FOXN2: variants seen among roughly 807,000 people sequenced by gnomAD.
The protein encoded by FOXN2 is forkhead box protein N2.
In FOXN2, 19 loss-of-function variants were observed where a neutral mutation model predicts 41.2. The ratio of observed to expected loss-of-function variants is 0.46; its 90% CI spans 0.32 to 0.68. The LOEUF is 0.68. Ranked by LOEUF, FOXN2 falls within the 30% of genes least tolerant of loss-of-function variation. The pLI is 0.03. For synonymous variants in FOXN2, 195 were observed against 176.8 expected (o/e 1.10, Z -0.82); for missense variants, 587 against 509.4 (o/e 1.15, Z -1.47).
intron 2 of FOXN2, among the ~76,000 whole-genome samples, chr2:48,337,659 G>A (rs1354644355): frequency 6.6e-6 from 1 of 151,992 alleles, no homozygotes; most frequent in African/African-American, 2.4e-5. Flanking sequence ...TTTCGTTGAT[G>A]GACACTTAGG....
At chr2:48,356,990 C>G (rs1671836516) in intron 3 of FOXN2, among the ~76,000 whole-genome samples, 1 of 152,086 alleles carries the variant, frequency 6.6e-6, no homozygotes, top group African/African-American at 2.4e-5. Flanking sequence ...TATTTGTATT[C>G]TCTCATCTAA....
chr2:48,367,240 G>T (rs772918839), intron 5 of FOXN2, among the ~76,000 whole-genome samples: 1 of 152,134 alleles, frequency 6.6e-6, no homozygotes, highest in Non-Finnish European at 1.5e-5. Flanking sequence ...TGTGTATTTA[G>T]AGTAAATTCA....
At chr2:48,319,491 G>A (rs1015999776) in intron 1 of FOXN2, among the ~76,000 whole-genome samples, 5 of 151,728 alleles carry the variant, frequency 3.3e-5, no homozygotes, top group African/African-American at 1.2e-4. Flanking sequence ...ATATTTTTCT[G>A]GTAAACTGGG....
intron 2 of FOXN2, among the ~76,000 whole-genome samples, chr2:48,343,607 T>A (rs1670908304): frequency 6.6e-6 from 1 of 151,818 alleles, no homozygotes; most frequent in Non-Finnish European, 1.5e-5. Flanking sequence ...AAAAAAAATT[T>A]AAAAATTAGC....
chr2:48,356,057 G>A (rs773606666), intron 3 of FOXN2, among the ~76,000 whole-genome samples: 1 of 152,178 alleles, frequency 6.6e-6, no homozygotes, highest in African/African-American at 2.4e-5. Context: ...CCCGGAGGCA[G>A]AGGTTGCAGT....
rs1477266619 is a variant in FOXN2 at position 48,379,183 on chromosome 2, A to C, written c.*3740A>C. ...TATTAAAAACAACTTACAAATACTT[A>C]GTTTTTGTATCTAATCTCTGATTAT... is the stretch of plus-strand genomic sequence containing the variant. On this transcript the variant is annotated 3_prime_UTR_variant, in exon 7 of 7. Coordinates refer to ENST00000340553, the MANE Select transcript of FOXN2 (RefSeq NM_002158.4). 6.6e-6 allele frequency: 1 copy of C among 152,606 alleles called. No homozygotes were observed. Among genetic ancestry groups the C allele is most frequent in the Non-Finnish European group, 1.5e-5 (1 of 68,018 alleles). 9.5% of individuals were successfully genotyped at this position (152,606 alleles called of 1,614,324 possible). A position where few individuals can be genotyped will look rare whatever the true frequency, so the allele number is the denominator to read the frequency against.
intron 1 of FOXN2, among the ~76,000 whole-genome samples, chr2:48,324,608 T>A (rs1256884892): frequency 1.3e-5 from 2 of 152,244 alleles, no homozygotes; most frequent in Non-Finnish European, 2.9e-5. Context: ...TTTGTACTTC[T>A]ATTCAAATTG....
intron 3 of FOXN2, among the ~76,000 whole-genome samples, chr2:48,356,497 C>A (rs909533924): frequency 6.6e-6 from 1 of 151,968 alleles, no homozygotes; most frequent in Non-Finnish European, 1.5e-5. Context: ...TTTATAAAGC[C>A]CATCTTAAAC....
chr2:48,355,343 A>G (rs1671722132), intron 3 of FOXN2, among the ~76,000 whole-genome samples: 1 of 152,178 alleles, frequency 6.6e-6, no homozygotes, highest in South Asian at 2.1e-4. Context: ...TGATAACGAA[A>G]AGGAGAGAAA....
At chr2:48,367,630 T>C (rs1294647040) in intron 5 of FOXN2, among the ~76,000 whole-genome samples, 1 of 152,250 alleles carries the variant, frequency 6.6e-6, no homozygotes, top group East Asian at 1.9e-4. Flanking sequence ...ACAAAGCTTA[T>C]ACCATTTGAA....
chr2:48,371,991 T>G lies in FOXN2; in HGVS notation c.704-1301T>G, dbSNP rs905795289. Among the ~76,000 whole-genome samples the G allele has an allele frequency of 2.6e-5, 4 of 152,190 alleles. No homozygotes were observed. The East Asian group carries it at 7.7e-4, about 29-fold the overall frequency. Reference sequence around the variant, plus strand: ...TTGTCTGCAAACAGGGACGTTTGACTTCCTCTCTTCCAACATAGATGCCTT... The same window carrying G: ...TTGTCTGCAAACAGGGACGTTTGACGTCCTCTCTTCCAACATAGATGCCTT... On this transcript the variant is annotated intron_variant, in intron 5 of 6. Coordinates refer to ENST00000340553, the MANE Select transcript of FOXN2 (RefSeq NM_002158.4).
intron 3 of FOXN2, among the ~76,000 whole-genome samples, chr2:48,355,363 A>G (rs1471100874): frequency 6.6e-6 from 1 of 152,214 alleles, no homozygotes; most frequent in Non-Finnish European, 1.5e-5. Flanking sequence ...ATCATCTTAC[A>G]ATTTTAAAAA....
chr2:48,332,353 T>G (rs758210303), intron 2 of FOXN2, among the ~76,000 whole-genome samples: 24 of 152,202 alleles, frequency 1.6e-4, no homozygotes, highest in Non-Finnish European at 3.4e-4. Context: ...TAAAGTACTT[T>G]TGGATTAAAC....
At chr2:48,369,854 G>A (rs919162891) in intron 5 of FOXN2, among the ~76,000 whole-genome samples, 2 of 151,968 alleles carry the variant, frequency 1.3e-5, no homozygotes, top group Non-Finnish European at 2.9e-5. Context: ...ATAAAAATGA[G>A]CCAGGTGCGG....
intron 2 of FOXN2, among the ~76,000 whole-genome samples, chr2:48,334,910 A>G (rs1670234673): frequency 1.3e-5 from 2 of 152,202 alleles, no homozygotes; most frequent in Non-Finnish European, 2.9e-5. Flanking sequence ...GTCACTGAAA[A>G]TGTGCTACCA....
rs1192001496 is a variant in FOXN2, at chr2:48,346,259, C to T, written c.45C>T (p.Thr15=). The change falls in exon 3 of 7, where the codon ACC becomes ACT. Residue 15 remains threonine (T), a synonymous_variant. Coordinates refer to ENST00000340553, the MANE Select transcript of FOXN2 (RefSeq NM_002158.4). ...TGACTCCAGATAAGAGAGCTGAAAC[C>T]CCAGGAGCTGAAAAGATTGCAGGAT... ...IGMTPDKRAE[T]PGAEKIAGLS... The T allele has an allele frequency of 6.2e-7, 1 of 1,613,768 alleles. No individual in the cohort carries two copies. Among genetic ancestry groups the T allele is most frequent in the Non-Finnish European group, 8.5e-7 (1 of 1,179,886 alleles).
chr2:48,368,619 G>A (rs956153325), intron 5 of FOXN2, among the ~76,000 whole-genome samples: 10 of 152,206 alleles, frequency 6.6e-5, no homozygotes, highest in African/African-American at 2.4e-4. Flanking sequence ...TTGAACCTGG[G>A]AGGTGAAGGT....
intron 1 of FOXN2, 78 bp downstream of exon 1, chr2:48,314,892 GGCAGCGCGAGCGACCCGCGC>G (rs1668786523): frequency 6.6e-6 from 1 of 151,900 alleles, no homozygotes; most frequent in African/African-American, 2.4e-5. Context: ...CGGGCGCGGA[GGCAGCGCGAGCGACCCGCGC>G]CAGGCGTGGG....
chr2:48,367,241 A>G (rs1006656948), intron 5 of FOXN2, among the ~76,000 whole-genome samples: 3 of 151,982 alleles, frequency 2.0e-5, no homozygotes, highest in Admixed American at 6.6e-5. Context: ...GTGTATTTAG[A>G]GTAAATTCAC....
Sources: gnomAD v4.1 joint callset for allele counts (sites outside exome capture counted in the v4.1 genomes callset) on GRCh38, gnomAD v4.1.1 for gene constraint, MANE v1.5 for transcripts, NCBI Gene and HGNC (gene_info 2026-07-23, HGNC 2026-07-21) for gene names.